The following PFKP variants were observed in gnomAD, a reference collection of about 807,000 sequenced individuals.
PFKP encodes phosphofructokinase, platelet, also known as ATP-dependent 6-phosphofructokinase, platelet type.
PFKP carries 101 observed loss-of-function variants against 94.3 expected under a neutral mutation model. The ratio of observed to expected loss-of-function variants is 1.07; its 90% CI spans 0.91 to 1.26. The LOEUF (loss-of-function observed/expected upper bound fraction) is 1.26, where lower values mean the gene tolerates loss of function less well. Among genes scored for constraint, PFKP ranks in the 50% most tolerant of loss-of-function variants. The pLI is 0.00. For synonymous variants in PFKP, 573 were observed against 432.6 expected (o/e 1.32, Z -4.03); for missense variants, 1,145 against 1,103.3 (o/e 1.04, Z -0.53).
chr10:3,069,397 T>G (rs1451761391), intron 1 of PFKP: 1 of 1,584,198 alleles, frequency 6.3e-7, no homozygotes, highest in Non-Finnish European at 8.6e-7. Flanking sequence ...CGGGTACGAA[T>G]GGAGCCGCCT....
At chr10:3,101,688 T>C (rs1835011066) in intron 4 of PFKP, 134 bp downstream of exon 4, 3 of 605,414 alleles carry the variant, frequency 5.0e-6, no homozygotes, top group Middle Eastern at 4.6e-4. Flanking sequence ...CTCAGGACTT[T>C]TTAGGATCTC....
At chr10:3,120,308 C>A (rs538707821) in intron 16 of PFKP, among the ~76,000 whole-genome samples, 3 of 152,026 alleles carry the variant, frequency 2.0e-5, no homozygotes, top group African/African-American at 4.8e-5. Context: ...CCCGTGAGCA[C>A]CCGAGGCGCT....
At chr10:3,123,880 G>A (rs1470207445) in intron 16 of PFKP, among the ~76,000 whole-genome samples, 2 of 152,260 alleles carry the variant, frequency 1.3e-5, no homozygotes, top group African/African-American at 4.8e-5. Flanking sequence ...CTGGGCACGT[G>A]CTGGGCCTGG....
At chr10:3,080,212 T>C (rs1832942934) in intron 1 of PFKP, among the ~76,000 whole-genome samples, 1 of 152,056 alleles carries the variant, frequency 6.6e-6, no homozygotes, top group African/African-American at 2.4e-5. Flanking sequence ...AACGCGGTCA[T>C]ATTCGTGCTT....
At chr10:3,121,581 GTTTTT>G (rs10528387) in intron 16 of PFKP, among the ~76,000 whole-genome samples, 23,174 of 133,072 alleles carry the variant, frequency 0.17, 2,190 homozygotes, top group African/African-American at 0.27. Flanking sequence ...ATAAATAACT[GTTTTT>G]TTTTTTTTTT....
intron 8 of PFKP, among the ~76,000 whole-genome samples, chr10:3,108,271 G>C (rs1253609859): frequency 1.3e-5 from 2 of 152,246 alleles, no homozygotes; most frequent in African/African-American, 2.4e-5. Flanking sequence ...GTGCCCATGG[G>C]CTGGGGCGAG....
At chr10:3,131,304 G>A (rs1838558666) in intron 17 of PFKP, among the ~76,000 whole-genome samples, 1 of 152,004 alleles carries the variant, frequency 6.6e-6, no homozygotes, top group East Asian at 1.9e-4. Context: ...TAGGATGTTT[G>A]CGCAAGGCTT....
At position 3,136,438 on chromosome 10, in the gene PFKP, T is replaced by C. The variant is rs1444310516; in HGVS notation, c.2226-12T>C. 6.2e-7 allele frequency: 1 copy of C among 1,613,324 alleles called. No individual in the cohort carries two copies. The highest frequency in any genetic ancestry group is 8.5e-7 in the Non-Finnish European group (1 of 1,179,530). Reference sequence around the variant, plus strand: ...CTGCAGGCCTCACTGCTGTCTCCTCTTACCTCCACAGGCACAGGATTCCCA... The same window carrying C: ...CTGCAGGCCTCACTGCTGTCTCCTCCTACCTCCACAGGCACAGGATTCCCA... On this transcript the variant is annotated splice_polypyrimidine_tract_variant and intron_variant, in intron 21 of 21. Transcript: ENST00000381125.
chr10:3,111,231 T>A (rs1341461164), intron 10 of PFKP, among the ~76,000 whole-genome samples: 2 of 152,130 alleles, frequency 1.3e-5, no homozygotes, highest in African/African-American at 4.8e-5. Flanking sequence ...TGCAGGTATG[T>A]TTCTATGCAG....
At chr10:3,130,785 C>A (rs1326527806) in intron 17 of PFKP, among the ~76,000 whole-genome samples, 1 of 152,118 alleles carries the variant, frequency 6.6e-6, no homozygotes, top group East Asian at 1.9e-4. Context: ...TCTCAAACTT[C>A]TGACCTCGTG....
At chr10:3,099,431 C>A in intron 3 of PFKP, 79 bp downstream of exon 3, 1 of 1,118,838 alleles carries the variant, frequency 8.9e-7, no homozygotes, top group Non-Finnish European at 1.4e-6. Flanking sequence ...AACACTTGAG[C>A]TCAGATCAGT....
chr10:3,108,683 C>T lies in PFKP; in HGVS notation c.871-18C>T, dbSNP rs375083687. On this transcript the variant is annotated intron_variant, in intron 8 of 21. Coordinates refer to ENST00000381125, the MANE Select transcript of PFKP (RefSeq NM_002627.5). ...TCCGCATCACAGTTCCGCATCCTAACGAGATGTTTCCTTGCAGCTTGTCGT... is the reference window on the plus strand; with the variant it reads ...TCCGCATCACAGTTCCGCATCCTAATGAGATGTTTCCTTGCAGCTTGTCGT... The T allele has an allele frequency of 9.3e-5, 149 of 1,599,622 alleles. No homozygotes were observed. Among genetic ancestry groups the T allele is most frequent in the East Asian group, 4.5e-5 (2 of 44,826 alleles).
chr10:3,069,379 G>A, intron 1 of PFKP: 2 of 1,589,828 alleles, frequency 1.3e-6, no homozygotes, highest in South Asian at 1.2e-5. Context: ...AACCGGCCCG[G>A]AGATGTGCGG....
chr10:3,136,614 G>A lies in PFKP; in HGVS notation c.*35G>A, dbSNP rs758708109. The A allele has an allele frequency of 4.8e-5, 77 of 1,606,064 alleles. 2 individuals are homozygous for A. The South Asian group carries it at 5.4e-4, about 11-fold the overall frequency. ...GCCTGCATGTGCCTGCAGCCACCGT[G>A]GACTGTCTGTTTTTGTAACACTTAA... On this transcript the variant is annotated 3_prime_UTR_variant, in exon 22 of 22. Coordinates refer to ENST00000381125, the MANE Select transcript of PFKP (RefSeq NM_002627.5).
intron 8 of PFKP, chr10:3,107,901 C>T: frequency 7.8e-7 from 1 of 1,289,484 alleles, no homozygotes; most frequent in Non-Finnish European, 1.0e-6. Context: ...GACGGGGCTG[C>T]AGGCTGCCGG....
At position 3,136,698 on chromosome 10, in the gene PFKP, C is replaced by A; in HGVS notation, c.*119C>A. 1 of 1,026,876 alleles carries A rather than the reference C, an allele frequency of 9.7e-7. No homozygotes were observed. Among genetic ancestry groups the A allele is most frequent in the Non-Finnish European group, 1.4e-6 (1 of 700,356 alleles). The allele number at this position is 1,026,876 out of a possible 1,614,324, so 63.6% of individuals were successfully genotyped here. ...GACATTAATACCTAATCGGCGAGTG[C>A]CCATCTGCCCCACCTGCTCCAGTGC... On this transcript the variant is annotated 3_prime_UTR_variant, in exon 22 of 22. Transcript: ENST00000381125.
At chr10:3,099,004 G>A (rs535138427) in intron 2 of PFKP, among the ~76,000 whole-genome samples, 3 of 152,218 alleles carry the variant, frequency 2.0e-5, no homozygotes, top group East Asian at 1.9e-4. Flanking sequence ...TCAACCTCTC[G>A]GGAAACGCTG....
intron 9 of PFKP, 45 bp from the exon 10 acceptor site, chr10:3,109,310 G>C: frequency 6.2e-7 from 1 of 1,602,926 alleles, no homozygotes. Flanking sequence ...CAGGGACAGG[G>C]CAGGACGGGA....
At chr10:3,077,513 A>G (rs1372988519) in intron 1 of PFKP, among the ~76,000 whole-genome samples, 5 of 151,220 alleles carry the variant, frequency 3.3e-5, no homozygotes, top group Non-Finnish European at 4.4e-5. Flanking sequence ...TGATCCGCCC[A>G]CCTTGGCCTC....
Sources: gnomAD v4.1 joint callset for allele counts (sites outside exome capture counted in the v4.1 genomes callset) on GRCh38, gnomAD v4.1.1 for gene constraint, MANE v1.5 for transcripts, NCBI Gene and HGNC (gene_info 2026-07-23, HGNC 2026-07-21) for gene names.